The following FNTB variants were observed in gnomAD, a reference collection of about 807,000 sequenced individuals.
FNTB encodes farnesyltransferase, CAAX box, subunit beta.
In FNTB, 27 loss-of-function variants were observed where a neutral mutation model predicts 59.4. The observed-to-expected ratio is 0.45, with a 90% CI of 0.34 to 0.63. FNTB has a LOEUF of 0.63. Ranked by LOEUF, FNTB falls within the 20% of genes least tolerant of loss-of-function variation. FNTB has a pLI of 0.02. For synonymous variants in FNTB, 230 were observed against 220.7 expected (o/e 1.04, Z -0.37); for missense variants, 449 against 559.6 (o/e 0.80, Z 1.99).
Position 64,991,855 on chromosome 14 carries a change from G to A in FNTB, c.144+4758G>A, listed in dbSNP as rs1259546498. Among the ~76,000 whole-genome samples, 1 of 152,128 alleles carries A rather than the reference G, an allele frequency of 6.6e-6. No homozygotes were observed. The highest frequency in any genetic ancestry group is 6.6e-5 in the Admixed American group (1 of 15,262). ...GGCGTTAAGATGGCTTACCAGGAAC[G>A]GAGGGTGCAGGTTGGATGTGGTAGG... On this transcript the variant is annotated intron_variant, in intron 1 of 11. Transcript: ENST00000246166. This position sits in a 1 kb window ranked among gnomAD's most constrained non-coding sequence, Gnocchi z 4.4.
intron 9 of FNTB, among the ~76,000 whole-genome samples, chr14:65,052,307 G>A (rs958884553): frequency 2.0e-5 from 3 of 152,054 alleles, no homozygotes; most frequent in African/African-American, 4.8e-5. Flanking sequence ...GTAGAAAAAC[G>A]CATAGAACCA....
At chr14:65,022,245 A>C in intron 4 of FNTB, 1 of 332,360 alleles carries the variant, frequency 3.0e-6, no homozygotes, top group South Asian at 2.3e-5. Flanking sequence ...CTGCCCATGG[A>C]TGACTGTTCC....
chr14:64,990,302 C>G lies in FNTB; in HGVS notation c.144+3205C>G, dbSNP rs994816099. 6.6e-6 allele frequency among the ~76,000 whole-genome samples: 1 copy of G among 152,162 alleles called. No homozygotes were observed. Among genetic ancestry groups the G allele is most frequent in the Non-Finnish European group, 1.5e-5 (1 of 68,034 alleles). On this transcript the variant is annotated intron_variant, in intron 1 of 11. Coordinates refer to ENST00000246166, the MANE Select transcript of FNTB (RefSeq NM_002028.4). The surrounding 1 kb of genome is among the most constrained non-coding windows in gnomAD (Gnocchi z 5.2). ...CTGTAGATGTGCCCCAGGAGGGGGCCCTGCACTGACAGGTTGCCTTGCTTT... is the reference window on the plus strand; with the variant it reads ...CTGTAGATGTGCCCCAGGAGGGGGCGCTGCACTGACAGGTTGCCTTGCTTT...
intron 9 of FNTB, among the ~76,000 whole-genome samples, chr14:65,046,940 G>A (rs952869432): frequency 6.6e-6 from 1 of 151,892 alleles, no homozygotes; most frequent in African/African-American, 2.4e-5. Context: ...CAGAAACAGG[G>A]AAATTCTACA....
In FNTB at chr14:65,044,535, G is replaced by A; in HGVS notation, c.955+92G>A. On this transcript the variant is annotated intron_variant, in intron 9 of 11. Transcript: ENST00000246166. The surrounding 1 kb of genome is among the most constrained non-coding windows in gnomAD (Gnocchi z 5.5). ...CCCAGCGTGCTTTTTTAGAGGGGTT[G>A]AAATGAGCTCTGTCTATCCTGGATT... 1 of 1,522,396 alleles carries A rather than the reference G, an allele frequency of 6.6e-7. No homozygotes were observed. The highest frequency in any genetic ancestry group is 2.4e-5 in the East Asian group (1 of 42,514). 94.3% of individuals were successfully genotyped at this position (1,522,396 alleles called of 1,614,324 possible). A position where few individuals can be genotyped will look rare whatever the true frequency, so the allele number is the denominator to read the frequency against.
intron 1 of FNTB, chr14:65,003,370 A>G (rs2061540476): frequency 6.6e-6 from 1 of 152,226 alleles, no homozygotes; most frequent in Non-Finnish European, 1.5e-5. Context: ...GTTAATGAAC[A>G]TCCAAACAAC....
intron 1 of FNTB, among the ~76,000 whole-genome samples, chr14:64,993,858 A>C (rs112067410): frequency 0.047 from 6,554 of 140,288 alleles, 354 homozygotes; most frequent in African/African-American, 0.13. Flanking sequence ...TTCTTTTTTT[A>C]TTTTTATTTT....
intron 7 of FNTB, among the ~76,000 whole-genome samples, chr14:65,036,670 C>A (rs1361967072): frequency 2.0e-5 from 3 of 151,948 alleles, no homozygotes; most frequent in Admixed American, 2.0e-4. Flanking sequence ...TATCCCCATC[C>A]TGTCCTTCTT....
rs1409317541 is a variant in FNTB at position 65,023,682 on chromosome 14, T to C, written c.375-3771T>C. Among the ~76,000 whole-genome samples the C allele has an allele frequency of 6.6e-6, 1 of 152,222 alleles. No homozygotes were observed. The highest frequency in any genetic ancestry group is 1.5e-5 in the Non-Finnish European group (1 of 68,036). Reference sequence around the variant, plus strand: ...GAGCTGAATTTTCTATTTTAATTAATTGAGAATTTAAATTGCCTCATGTGG... The same window carrying C: ...GAGCTGAATTTTCTATTTTAATTAACTGAGAATTTAAATTGCCTCATGTGG... On this transcript the variant is annotated intron_variant, in intron 4 of 11. Coordinates refer to ENST00000246166, the MANE Select transcript of FNTB (RefSeq NM_002028.4). This position sits in a 1 kb window ranked among gnomAD's most constrained non-coding sequence, Gnocchi z 4.1.
Position 65,062,299 on chromosome 14 carries a change from C to G in FNTB, c.*987C>G, listed in dbSNP as rs2062879901. Reference sequence around the variant, plus strand: ...AGGATTTATTCACGTCCTGCCCACTCTAGGCTCACAGGAATAAAATCAAGT... The same window carrying G: ...AGGATTTATTCACGTCCTGCCCACTGTAGGCTCACAGGAATAAAATCAAGT... On this transcript the variant is annotated 3_prime_UTR_variant, in exon 12 of 12. Coordinates refer to ENST00000246166, the MANE Select transcript of FNTB (RefSeq NM_002028.4). This position sits in a 1 kb window ranked among gnomAD's most constrained non-coding sequence, Gnocchi z 4.3. The G allele has an allele frequency of 6.6e-6, 1 of 152,308 alleles. No individual in the cohort carries two copies. The highest frequency in any genetic ancestry group is 1.5e-5 in the Non-Finnish European group (1 of 68,062). 9.4% of individuals were successfully genotyped at this position (152,308 alleles called of 1,614,324 possible).
In FNTB at chr14:65,015,560, C is replaced by G. The variant is rs1429679484; in HGVS notation, c.283-65C>G. ...GCTGCTGGGAGTGAGACAGATACAGCCTTGGCAGCAGTGTCTTGGAGTGAT... is the reference window on the plus strand; with the variant it reads ...GCTGCTGGGAGTGAGACAGATACAGGCTTGGCAGCAGTGTCTTGGAGTGAT... On this transcript the variant is annotated intron_variant, in intron 3 of 11. Transcript: ENST00000246166. 3 of 1,573,828 alleles carry G rather than the reference C, an allele frequency of 1.9e-6. No individual in the cohort carries two copies. In the East Asian group the frequency reaches 6.7e-5, roughly 35 times the overall value.
At chr14:65,010,506 C>G (rs1271935140) in intron 2 of FNTB, among the ~76,000 whole-genome samples, 1 of 152,206 alleles carries the variant, frequency 6.6e-6, no homozygotes, top group Non-Finnish European at 1.5e-5. Flanking sequence ...CTAGTTCGGG[C>G]CCTAAGTAGC....
At chr14:65,043,290 A>C (rs940884361) in intron 8 of FNTB, among the ~76,000 whole-genome samples, 1 of 152,244 alleles carries the variant, frequency 6.6e-6, no homozygotes, top group Non-Finnish European at 1.5e-5. Context: ...AAACTTGTAG[A>C]TAAGCAAGGA....
At chr14:65,049,146 T>A (rs559831437) in intron 9 of FNTB, among the ~76,000 whole-genome samples, 35 of 149,990 alleles carry the variant, frequency 2.3e-4, no homozygotes, top group Non-Finnish European at 4.6e-4. Context: ...AAAAAAGGCT[T>A]AAGAAATCTC....
At position 65,027,779 on chromosome 14, in the gene FNTB, G is replaced by A; in HGVS notation, c.603G>A (p.Val201=). The A allele has an allele frequency of 6.2e-7, 1 of 1,614,162 alleles. No individual in the cohort carries two copies. Among genetic ancestry groups the A allele is most frequent in the Non-Finnish European group, 8.5e-7 (1 of 1,180,030 alleles). The stretch of plus-strand genomic sequence containing the variant: ...TGCATGTCGGAGGTGAGGTGGATGT[G>A]AGGTGAGTGGGGTTTTGCACAGGCT... ...FLMHVGGEVD[V]RSAYCAASVA... The change falls in exon 6 of 12, where the codon GTG becomes GTA. Residue 201 remains valine (V), a splice_region_variant and synonymous_variant. Coordinates refer to ENST00000246166, the MANE Select transcript of FNTB (RefSeq NM_002028.4). The surrounding 1 kb of genome is among the most constrained non-coding windows in gnomAD (Gnocchi z 5.7).
chr14:65,055,274 C>G (rs2062706942), intron 11 of FNTB, among the ~76,000 whole-genome samples: 1 of 152,228 alleles, frequency 6.6e-6, no homozygotes, highest in Admixed American at 6.5e-5. Flanking sequence ...CTGAGGACAA[C>G]CTGGAGGTGC....
In FNTB at chr14:65,012,222, C is replaced by A; in HGVS notation, c.210-95C>A. On this transcript the variant is annotated intron_variant, in intron 2 of 11. Coordinates refer to ENST00000246166, the MANE Select transcript of FNTB (RefSeq NM_002028.4). This position sits in a 1 kb window ranked among gnomAD's most constrained non-coding sequence, Gnocchi z 5.0. ...GTGATTGCAGGGGGACGTCCTGAAG[C>A]TGAGTGTTTACCCGTGTGTGTGTAC... 1 of 1,499,650 alleles carries A rather than the reference C, an allele frequency of 6.7e-7. No individual in the cohort carries two copies. The highest frequency in any genetic ancestry group is 9.2e-7 in the Non-Finnish European group (1 of 1,084,482). The allele number at this position is 1,499,650 out of a possible 1,614,324, so 92.9% of individuals were successfully genotyped here.
intron 4 of FNTB, among the ~76,000 whole-genome samples, chr14:65,024,189 A>G (rs1487734038): frequency 2.0e-5 from 3 of 152,074 alleles, no homozygotes; most frequent in Non-Finnish European, 1.5e-5. Flanking sequence ...GGTAATTTCT[A>G]TGCAACTCAA....
chr14:65,039,816 G>A (rs532778723), intron 7 of FNTB, among the ~76,000 whole-genome samples: 6 of 152,098 alleles, frequency 3.9e-5, no homozygotes, highest in Non-Finnish European at 8.8e-5. Flanking sequence ...TTTTTTAATA[G>A]TATACAGGTT....
Sources: allele counts gnomAD v4.1 joint callset (sites outside exome capture counted in the v4.1 genomes callset), GRCh38; gene constraint gnomAD v4.1.1; non-coding constraint Gnocchi (gnomAD v3.1); transcripts MANE v1.5; gene names NCBI Gene and HGNC (gene_info 2026-07-23, HGNC 2026-07-21).